The following SMARCAD1 variants were observed in gnomAD, a reference collection of about 807,000 sequenced individuals.
SMARCAD1 encodes SWI/SNF-related matrix-associated actin-dependent regulator of chromatin subfamily A containing DEAD/H box 1.
Under a neutral mutation model 127.1 loss-of-function variants are expected in SMARCAD1, and 25 were observed. The ratio of observed to expected loss-of-function variants is 0.20; its 90% CI spans 0.14 to 0.27. The LOEUF (loss-of-function observed/expected upper bound fraction) is 0.27, where lower values mean the gene tolerates loss of function less well. Ranked by LOEUF, SMARCAD1 falls within the 10% of genes least tolerant of loss-of-function variation. The pLI, the probability that SMARCAD1 is intolerant of heterozygous loss-of-function variation, is 1.00. For synonymous variants in SMARCAD1, 400 were observed against 396.9 expected (o/e 1.01, Z -0.09); for missense variants, 807 against 1,206.0 (o/e 0.67, Z 4.90).
At chr4:94,242,309 T>G (rs1306272952) in intron 6 of SMARCAD1, among the ~76,000 whole-genome samples, 1 of 152,038 alleles carries the variant, frequency 6.6e-6, no homozygotes, top group Non-Finnish European at 1.5e-5. Context: ...CTTCCCAAAG[T>G]GCTGAGATTA....
chr4:94,260,090 A>G (rs568107363), intron 9 of SMARCAD1, among the ~76,000 whole-genome samples: 2 of 152,110 alleles, frequency 1.3e-5, no homozygotes, highest in East Asian at 1.9e-4. Flanking sequence ...CATTTGTTCT[A>G]TAACTCTCCT....
intron 9 of SMARCAD1, among the ~76,000 whole-genome samples, chr4:94,263,453 AAT>A (rs1178467776): frequency 2.6e-5 from 4 of 152,048 alleles, no homozygotes; most frequent in African/African-American, 9.6e-5. Flanking sequence ...CCCTGTGAAA[AAT>A]ATAGAGTAGT....
Position 94,208,331 on chromosome 4 carries a change from A to T in SMARCAD1, c.-49-15A>T. ...TTTCATGGCCTTTTTTCCTCTCTTT[A>T]TTTTTCCCCTGCAGATAGTTCATTT... On this transcript the variant is annotated splice_polypyrimidine_tract_variant and intron_variant, in intron 1 of 23. Transcript: ENST00000354268. The T allele has an allele frequency of 6.5e-7, 1 of 1,545,544 alleles. No individual in the cohort carries two copies. Among genetic ancestry groups the T allele is most frequent in the South Asian group, 1.1e-5 (1 of 89,544 alleles).
chr4:94,234,768 C>T lies in SMARCAD1; in HGVS notation c.537+646C>T, dbSNP rs113187276. Among the ~76,000 whole-genome samples, 1,402 of 152,272 alleles carry T rather than the reference C, an allele frequency of 9.2e-3. 16 individuals carry two copies. The highest frequency in any genetic ancestry group is 0.031 in the African/African-American group (1,304 of 41,542). The stretch of plus-strand genomic sequence containing the variant: ...TTATCTTAGGGGAATCATTTAATTG[C>T]AGGTCCTTTGTATTTTCACCTTTGT... On this transcript the variant is annotated intron_variant, in intron 4 of 23. Transcript: ENST00000354268.
At chr4:94,222,729 G>A (rs545421127) in intron 2 of SMARCAD1, among the ~76,000 whole-genome samples, 7 of 152,138 alleles carry the variant, frequency 4.6e-5, no homozygotes, top group Non-Finnish European at 1.0e-4. Flanking sequence ...TCAGGAGGCC[G>A]AGGCAGGTGG....
At chr4:94,273,589 GT>G (rs1560560248) in intron 11 of SMARCAD1, 27 bp from the exon 12 acceptor site, 1 of 1,490,170 alleles carries the variant, frequency 6.7e-7, no homozygotes, top group South Asian at 1.1e-5. Flanking sequence ...GTTTTAAAAT[GT>G]TATATATTGT....
At chr4:94,210,602 A>C (rs560948406) in intron 2 of SMARCAD1, among the ~76,000 whole-genome samples, 1 of 152,244 alleles carries the variant, frequency 6.6e-6, no homozygotes, top group East Asian at 1.9e-4. Context: ...GTTTCAAAGT[A>C]ATGAAGGGCA....
intron 2 of SMARCAD1, among the ~76,000 whole-genome samples, chr4:94,222,364 A>G (rs1178311315): frequency 1.3e-5 from 2 of 152,080 alleles, no homozygotes; most frequent in South Asian, 2.1e-4. Context: ...ATAAGGAAAA[A>G]CTCTTTGGGA....
chr4:94,213,350 C>A (rs1018143913), intron 2 of SMARCAD1, among the ~76,000 whole-genome samples: 2 of 151,960 alleles, frequency 1.3e-5, no homozygotes, highest in African/African-American at 4.8e-5. Flanking sequence ...ACTGGGTGAA[C>A]AAATGATGAG....
intron 12 of SMARCAD1, among the ~76,000 whole-genome samples, chr4:94,274,306 G>T (rs1249638547): frequency 1.3e-5 from 2 of 151,914 alleles, no homozygotes; most frequent in Admixed American, 1.3e-4. Flanking sequence ...AATCGCCATG[G>T]TATTTATATT....
rs1188833540 is a variant in SMARCAD1 at position 94,259,027 on chromosome 4, A to G, written c.1282-5680A>G. ...CCCTATAGCTTTTTAAATCAGATTT[A>G]TGGCTGGGCTTATGGGCACATTACC... On this transcript the variant is annotated intron_variant, in intron 9 of 23. Coordinates refer to ENST00000354268, the MANE Select transcript of SMARCAD1 (RefSeq NM_020159.5). Among the ~76,000 whole-genome samples the G allele has an allele frequency of 2.0e-5, 3 of 152,070 alleles. No homozygotes were observed. In the East Asian group the frequency reaches 5.8e-4, roughly 29 times the overall value.
intron 11 of SMARCAD1, 64 bp downstream of exon 11, chr4:94,270,882 A>G (rs1752449924): frequency 2.0e-6 from 3 of 1,493,676 alleles, no homozygotes; most frequent in Admixed American, 1.7e-5. Flanking sequence ...TCTTGCTGTC[A>G]TTTAAAACAT....
At chr4:94,219,752 A>G (rs1743799076) in intron 2 of SMARCAD1, among the ~76,000 whole-genome samples, 2 of 152,150 alleles carry the variant, frequency 1.3e-5, no homozygotes, top group African/African-American at 2.4e-5. Flanking sequence ...CCTCCTGTTC[A>G]TTTAGCATTT....
chr4:94,273,845 A>G, intron 12 of SMARCAD1, 129 bp downstream of exon 12: 1 of 719,870 alleles, frequency 1.4e-6, no homozygotes, highest in East Asian at 2.7e-5. Flanking sequence ...TATTAATTTT[A>G]TGGTCTCTTT....
chr4:94,237,895 TCAAG>T (rs1461443760), intron 5 of SMARCAD1, among the ~76,000 whole-genome samples: 2 of 152,162 alleles, frequency 1.3e-5, no homozygotes, highest in African/African-American at 4.8e-5. Flanking sequence ...ACTAGGATGT[TCAAG>T]CAAAGTGTAT....
intron 2 of SMARCAD1, among the ~76,000 whole-genome samples, chr4:94,224,822 GA>G (rs1744750861): frequency 6.6e-6 from 1 of 152,078 alleles, no homozygotes; most frequent in South Asian, 2.1e-4. Flanking sequence ...TTTCATGGGG[GA>G]TATGTGTCCC....
chr4:94,239,652 G>A (rs946729752), intron 5 of SMARCAD1, among the ~76,000 whole-genome samples: 2 of 150,468 alleles, frequency 1.3e-5, no homozygotes, highest in South Asian at 2.1e-4. Context: ...AGCTCACTAC[G>A]ACCTCTGCCT....
Position 94,290,820 on chromosome 4 carries a change from A to G in SMARCAD1, c.*1286A>G. 2 of 436,726 alleles carry G rather than the reference A, an allele frequency of 4.6e-6. No homozygotes were observed. The highest frequency in any genetic ancestry group is 1.7e-5 in the South Asian group (1 of 58,548). 27.1% of individuals were successfully genotyped at this position (436,726 alleles called of 1,614,324 possible). A position where few individuals can be genotyped will look rare whatever the true frequency, so the allele number is the denominator to read the frequency against. Reference sequence around the variant, plus strand: ...TATAAATAAACTTATTTATAAATCAAAGATTTGTTAATTTTTGGAAATCAT... The same window carrying G: ...TATAAATAAACTTATTTATAAATCAGAGATTTGTTAATTTTTGGAAATCAT... On this transcript the variant is annotated 3_prime_UTR_variant, in exon 24 of 24. Coordinates refer to ENST00000354268, the MANE Select transcript of SMARCAD1 (RefSeq NM_020159.5).
At chr4:94,215,972 C>T (rs1420650319) in intron 2 of SMARCAD1, among the ~76,000 whole-genome samples, 2 of 152,250 alleles carry the variant, frequency 1.3e-5, no homozygotes, top group East Asian at 3.9e-4. Flanking sequence ...TCTGTTAGAA[C>T]TGCTGTAACT....
Sources: gnomAD v4.1 joint callset for allele counts (sites outside exome capture counted in the v4.1 genomes callset) on GRCh38, gnomAD v4.1.1 for gene constraint, MANE v1.5 for transcripts, NCBI Gene and HGNC (gene_info 2026-07-23, HGNC 2026-07-21) for gene names.